The following ITPR1 variants were observed in gnomAD, a reference collection of about 807,000 sequenced individuals.
The protein encoded by ITPR1 is inositol 1,4,5-trisphosphate-gated calcium channel ITPR1.
A neutral mutation model predicts 318.4 loss-of-function variants in ITPR1; 96 were observed. The ratio of observed to expected loss-of-function variants is 0.30; its 90% confidence interval spans 0.26 to 0.36. ITPR1 has a LOEUF of 0.36. Among genes scored for constraint, ITPR1 ranks in the 10% least tolerant of loss-of-function variants. ITPR1 has a pLI of 1.00. For synonymous variants in ITPR1, 1,312 were observed against 1,289.9 expected (o/e 1.02, Z -0.37); for missense variants, 2,440 against 3,460.2 (o/e 0.71, Z 7.40).
In ITPR1 at chr3:4,818,682, G is replaced by T. The variant is rs542403264; in HGVS notation, c.8028+440G>T. The stretch of plus-strand genomic sequence containing the variant: ...CTGCAGTCCAGCATGGTTTGTGTTT[G>T]CCCTCAGCCTCGCCTTTCTGGGAGA... On this transcript the variant is annotated intron_variant, in intron 60 of 61. Transcript: ENST00000649015. 6.6e-4 allele frequency among the ~76,000 whole-genome samples: 101 copies of T among 152,232 alleles called. 2 individuals are homozygous for T. The South Asian group carries it at 0.02, about 30-fold the overall frequency.
intron 5 of ITPR1, among the ~76,000 whole-genome samples, chr3:4,631,202 G>T (rs181391934): frequency 5.3e-5 from 8 of 152,204 alleles, no homozygotes; most frequent in Non-Finnish European, 8.8e-5. Context: ...ACCCTCTGTG[G>T]TTTTGATCGA....
intron 40 of ITPR1, among the ~76,000 whole-genome samples, chr3:4,718,688 A>T (rs1018453513): frequency 6.6e-6 from 1 of 152,180 alleles, no homozygotes; most frequent in Non-Finnish European, 1.5e-5. Flanking sequence ...CCTTATATTA[A>T]TTAGACGGGA....
At chr3:4,546,196 G>C (rs562635759) in intron 4 of ITPR1, among the ~76,000 whole-genome samples, 47 of 152,080 alleles carry the variant, frequency 3.1e-4, no homozygotes, top group Non-Finnish European at 5.3e-4. Flanking sequence ...TTCTTCTTGA[G>C]TTGGAAGAAG....
At chr3:4,795,621 G>T (rs576465022) in intron 53 of ITPR1, among the ~76,000 whole-genome samples, 61 of 152,198 alleles carry the variant, frequency 4.0e-4, no homozygotes, top group African/African-American at 1.4e-3. Context: ...TCAGACTAAA[G>T]AATTTGTAAG....
chr3:4,550,976 G>A (rs1287102156), intron 4 of ITPR1, among the ~76,000 whole-genome samples: 1 of 152,146 alleles, frequency 6.6e-6, no homozygotes, highest in Non-Finnish European at 1.5e-5. Context: ...AAGAGGAAGA[G>A]GACTGAGAAT....
chr3:4,752,466 G>A (rs200954792), intron 44 of ITPR1, among the ~76,000 whole-genome samples: 4 of 152,314 alleles, frequency 2.6e-5, no homozygotes, highest in African/African-American at 7.2e-5. Flanking sequence ...GGATAAGCCC[G>A]TAGAGGTGAC....
intron 56 of ITPR1, among the ~76,000 whole-genome samples, chr3:4,811,737 C>T (rs2048951777): frequency 6.6e-6 from 1 of 152,186 alleles, no homozygotes; most frequent in Non-Finnish European, 1.5e-5. Context: ...AGTGACCATA[C>T]ATATTGAGAG....
chr3:4,768,251 G>T, intron 45 of ITPR1: 1 of 367,782 alleles, frequency 2.7e-6, no homozygotes, highest in Non-Finnish European at 4.9e-6. Context: ...GAGGCTGACA[G>T]AACCTGTGCT....
intron 4 of ITPR1, among the ~76,000 whole-genome samples, chr3:4,606,377 G>T (rs1559524856): frequency 6.6e-6 from 1 of 152,092 alleles, no homozygotes; most frequent in Non-Finnish European, 1.5e-5. Flanking sequence ...TGGTAACATG[G>T]GAATACAATT....
At chr3:4,810,515 C>G (rs2048867572) in intron 55 of ITPR1, among the ~76,000 whole-genome samples, 1 of 152,192 alleles carries the variant, frequency 6.6e-6, no homozygotes, top group African/African-American at 2.4e-5. Context: ...GGGGTCTTAC[C>G]CTCGCAATGT....
chr3:4,595,605 T>A (rs1247136343), intron 4 of ITPR1, among the ~76,000 whole-genome samples: 1 of 152,146 alleles, frequency 6.6e-6, no homozygotes, highest in African/African-American at 2.4e-5. Context: ...TTTGGCCATT[T>A]TATGTATGAG....
intron 60 of ITPR1, among the ~76,000 whole-genome samples, chr3:4,819,655 T>A (rs1327072928): frequency 6.6e-6 from 1 of 152,192 alleles, no homozygotes; most frequent in Non-Finnish European, 1.5e-5. Context: ...TAGTATTGTA[T>A]TTGGTTGTTA....
intron 2 of ITPR1, among the ~76,000 whole-genome samples, chr3:4,507,460 C>A (rs981358896): frequency 6.6e-6 from 1 of 152,120 alleles, no homozygotes; most frequent in Non-Finnish European, 1.5e-5. Flanking sequence ...TGTATGAGAT[C>A]TTTCTGTTCA....
At chr3:4,624,580 G>A (rs1246331496) in intron 4 of ITPR1, among the ~76,000 whole-genome samples, 3 of 142,140 alleles carry the variant, frequency 2.1e-5, no homozygotes, top group East Asian at 2.1e-4. Flanking sequence ...TAAGGCAGAA[G>A]AATCACTTGA....
At chr3:4,781,861 T>C (rs554494236) in intron 49 of ITPR1, among the ~76,000 whole-genome samples, 2 of 152,174 alleles carry the variant, frequency 1.3e-5, no homozygotes, top group African/African-American at 4.8e-5. Context: ...TGGACACCTG[T>C]AGTTCCAGCT....
At chr3:4,605,329 A>G (rs569829382) in intron 4 of ITPR1, among the ~76,000 whole-genome samples, 76 of 152,268 alleles carry the variant, frequency 5.0e-4, no homozygotes, top group African/African-American at 1.7e-3. Context: ...GCTATAAAAA[A>G]CATGGCAACT....
intron 4 of ITPR1, among the ~76,000 whole-genome samples, chr3:4,554,050 T>C (rs1034702192): frequency 7.2e-5 from 11 of 152,204 alleles, no homozygotes; most frequent in African/African-American, 2.7e-4. Context: ...GCCTTACTAC[T>C]ATTATTAATT....
chr3:4,739,298 G>A (rs78540583), intron 44 of ITPR1, among the ~76,000 whole-genome samples: 7,124 of 152,238 alleles, frequency 0.047, 557 homozygotes, highest in African/African-American at 0.16. Context: ...TGCCGGAGCT[G>A]GTGGAGCACG....
At chr3:4,698,907 C>T (rs746675355) in intron 34 of ITPR1, among the ~76,000 whole-genome samples, 8 of 152,178 alleles carry the variant, frequency 5.3e-5, no homozygotes, top group Admixed American at 5.2e-4. Flanking sequence ...TTATTCTAGG[C>T]AGCAGAATTA....
Sources: gnomAD v4.1 joint callset for allele counts (sites outside exome capture counted in the v4.1 genomes callset) on GRCh38, gnomAD v4.1.1 for gene constraint, MANE v1.5 for transcripts, NCBI Gene and HGNC (gene_info 2026-07-23, HGNC 2026-07-21) for gene names.